NLGN1: variants seen among roughly 807,000 people sequenced by gnomAD.
The protein encoded by NLGN1 is neuroligin 1.
Under a neutral mutation model 65.5 loss-of-function variants are expected in NLGN1, and 12 were observed. That is an observed-to-expected ratio of 0.18 (90% confidence interval 0.12 to 0.30). The LOEUF (loss-of-function observed/expected upper bound fraction) is 0.30. NLGN1 is among the 10% of genes least tolerant of loss of function. The probability of loss-of-function intolerance (pLI) is 1.00; values close to 1 mark genes in which losing one functional copy is unlikely to be tolerated. For missense variants in NLGN1, 750 were observed against 1,007.1 expected (o/e 0.74, Z 3.46); for synonymous variants, 350 against 359.5 (o/e 0.97, Z 0.30).
chr3:174,129,433 C>T (rs1486401279), intron 4 of NLGN1, among the ~76,000 whole-genome samples: 2 of 141,108 alleles, frequency 1.4e-5, no homozygotes, highest in African/African-American at 2.6e-5. Flanking sequence ...CTAGGAAAAA[C>T]ATATGAAGTG....
intron 2 of NLGN1, among the ~76,000 whole-genome samples, chr3:173,539,805 T>TAA (rs1738458233): frequency 7.9e-6 from 1 of 127,064 alleles, no homozygotes; most frequent in African/African-American, 3.0e-5. Flanking sequence ...TACATATATA[T>TAA]ACATATATAC....
intron 4 of NLGN1, among the ~76,000 whole-genome samples, chr3:173,926,513 C>T (rs1427920585): frequency 1.3e-5 from 2 of 152,180 alleles, no homozygotes; most frequent in African/African-American, 4.8e-5. Context: ...TAATCTGCTT[C>T]CAACAAACCT....
chr3:173,789,208 GAAA>G (rs1465748972), intron 3 of NLGN1, among the ~76,000 whole-genome samples: 1 of 150,620 alleles, frequency 6.6e-6, no homozygotes, highest in African/African-American at 2.4e-5. Flanking sequence ...AAAAAAAAAA[GAAA>G]GAGAGAGAGA....
chr3:173,678,617 G>C (rs1319850741), intron 3 of NLGN1, among the ~76,000 whole-genome samples: 1 of 152,058 alleles, frequency 6.6e-6, no homozygotes, highest in African/African-American at 2.4e-5. Context: ...AAGTAAAGAA[G>C]TTGAAGAAGC....
At chr3:174,016,630 C>T (rs1726614846) in intron 4 of NLGN1, among the ~76,000 whole-genome samples, 1 of 152,114 alleles carries the variant, frequency 6.6e-6, no homozygotes, top group Non-Finnish European at 1.5e-5. Context: ...AATTGGGTTG[C>T]TGTTTTTGGC....
At chr3:174,202,109 C>G (rs1322582336) in intron 4 of NLGN1, among the ~76,000 whole-genome samples, 4 of 152,066 alleles carry the variant, frequency 2.6e-5, no homozygotes, top group Non-Finnish European at 5.9e-5. Context: ...CTTTATGTCT[C>G]TCTACCTTTC....
intron 2 of NLGN1, among the ~76,000 whole-genome samples, chr3:173,489,389 C>G (rs1728721053): frequency 6.6e-6 from 1 of 152,122 alleles, no homozygotes; most frequent in Non-Finnish European, 1.5e-5. Flanking sequence ...CCAGCTTCAT[C>G]TATGTCCCTA....
chr3:173,935,126 C>A (rs899596827), intron 4 of NLGN1, among the ~76,000 whole-genome samples: 2 of 151,994 alleles, frequency 1.3e-5, no homozygotes, highest in African/African-American at 4.8e-5. Context: ...GTTCTGGAAT[C>A]TTTCTCTTCC....
At chr3:173,415,762 A>C (rs758507387) in intron 1 of NLGN1, among the ~76,000 whole-genome samples, 2 of 152,080 alleles carry the variant, frequency 1.3e-5, no homozygotes, top group Non-Finnish European at 2.9e-5. Context: ...AATTGGATGG[A>C]TTCAGGGTAT....
intron 3 of NLGN1, among the ~76,000 whole-genome samples, chr3:173,628,923 A>G (rs1227046868): frequency 3.3e-5 from 5 of 151,842 alleles, no homozygotes; most frequent in Non-Finnish European, 5.9e-5. Flanking sequence ...CGAACTCCTG[A>G]CATCAAGTGA....
intron 4 of NLGN1, among the ~76,000 whole-genome samples, chr3:174,124,062 T>G (rs1202238753): frequency 1.3e-5 from 2 of 152,050 alleles, no homozygotes; most frequent in African/African-American, 4.8e-5. Flanking sequence ...ATGGTGGCCT[T>G]TTAAGAAGGG....
chr3:173,681,034 A>G (rs1174043143), intron 3 of NLGN1, among the ~76,000 whole-genome samples: 1 of 152,190 alleles, frequency 6.6e-6, no homozygotes, highest in East Asian at 1.9e-4. Context: ...AACACGTTTA[A>G]CAGTGAATTT....
chr3:173,938,552 T>TGTTGA (rs1745436228), intron 4 of NLGN1, among the ~76,000 whole-genome samples: 8 of 152,152 alleles, frequency 5.3e-5, no homozygotes. Context: ...ACTTAGCCCG[T>TGTTGA]GTTGACATAT....
chr3:173,708,322 T>A (rs1768379282), intron 3 of NLGN1, among the ~76,000 whole-genome samples: 1 of 152,156 alleles, frequency 6.6e-6, no homozygotes, highest in African/African-American at 2.4e-5. Flanking sequence ...AGAAGGCCCC[T>A]CCCTTGTTGC....
Position 174,158,004 on chromosome 3 carries a change from A to T in NLGN1, c.647-117311A>T, listed in dbSNP as rs534924988. 1.8e-4 allele frequency among the ~76,000 whole-genome samples: 28 copies of T among 151,912 alleles called. No individual in the cohort carries two copies. In the South Asian group the frequency reaches 5.6e-3, roughly 30 times the overall value. On this transcript the variant is annotated intron_variant, in intron 4 of 6. Transcript: ENST00000457714. ...GCCTTAAGTAGAAAGTACATTGTCC[A>T]GCCCACTAGTCCCTTCTATTATGGA... is the stretch of plus-strand genomic sequence containing the variant.
At chr3:174,039,309 G>A (rs1731782041) in intron 4 of NLGN1, among the ~76,000 whole-genome samples, 1 of 151,958 alleles carries the variant, frequency 6.6e-6, no homozygotes, top group South Asian at 2.1e-4. Flanking sequence ...AGAACGTGCA[G>A]GCTTGTTACA....
At chr3:173,984,644 T>A (rs1719499814) in intron 4 of NLGN1, among the ~76,000 whole-genome samples, 1 of 152,194 alleles carries the variant, frequency 6.6e-6, no homozygotes, top group African/African-American at 2.4e-5. Context: ...ATCACAGCAT[T>A]TGTTTTATCC....
At chr3:174,004,934 T>C (rs1439959661) in intron 4 of NLGN1, among the ~76,000 whole-genome samples, 1 of 152,168 alleles carries the variant, frequency 6.6e-6, no homozygotes. Context: ...TTACAAGTTA[T>C]ATCTTTATTA....
chr3:173,487,446 G>A (rs1308602255), intron 2 of NLGN1, among the ~76,000 whole-genome samples: 3 of 151,660 alleles, frequency 2.0e-5, no homozygotes, highest in Admixed American at 2.0e-4. Flanking sequence ...TTCACTGACT[G>A]TTCTGGCTAG....
Sources: allele counts gnomAD v4.1 joint callset (sites outside exome capture counted in the v4.1 genomes callset), GRCh38; gene constraint gnomAD v4.1.1; transcripts MANE v1.5; gene names NCBI Gene and HGNC (gene_info 2026-07-23, HGNC 2026-07-21).